The following DNAH7 variants were observed in gnomAD, a reference collection of about 807,000 sequenced individuals.
DNAH7 encodes the protein axonemal beta dynein heavy chain 7.
Under a neutral mutation model 444.6 loss-of-function variants are expected in DNAH7, and 397 were observed. That is an observed-to-expected ratio of 0.89 (90% CI 0.82 to 0.97). DNAH7 has a LOEUF of 0.97. Among genes scored for constraint, DNAH7 ranks in the 50% least tolerant of loss-of-function variants. DNAH7 has a pLI of 0.00. For missense variants in DNAH7, 4,902 were observed against 4,800.8 expected (o/e 1.02, Z -0.62); for synonymous variants, 1,636 against 1,624.4 (o/e 1.01, Z -0.17).
chr2:195,814,197 A>G (rs1697115031), intron 51 of DNAH7, among the ~76,000 whole-genome samples: 3 of 152,244 alleles, frequency 2.0e-5, no homozygotes, highest in Admixed American at 2.0e-4. Context: ...GTGTATTGAT[A>G]ACTTCAATAA....
intron 46 of DNAH7, among the ~76,000 whole-genome samples, chr2:195,851,354 G>A (rs1699352404): frequency 6.6e-6 from 1 of 152,190 alleles, no homozygotes; most frequent in South Asian, 2.1e-4. Flanking sequence ...GCGAAGCAAG[G>A]AAGGAATAAA....
rs143975776 is a variant in DNAH7, at chr2:195,846,776, C to G, written c.8782-1611G>C. On this transcript the variant is annotated intron_variant, in intron 46 of 64. Coordinates refer to ENST00000312428, the MANE Select transcript of DNAH7 (RefSeq NM_018897.3). ...ACGTGAAAAGGCTAGACTGGCTTAG[C>G]CTTTCAGCCTACATCTTTCTCCCAT... Among the ~76,000 whole-genome samples the G allele has an allele frequency of 4.6e-3, 705 of 152,162 alleles. 4 individuals carry two copies. The highest frequency in any genetic ancestry group is 0.016 in the African/African-American group (664 of 41,518).
chr2:196,044,972 G>A (rs947540334), intron 5 of DNAH7, among the ~76,000 whole-genome samples: 2 of 151,894 alleles, frequency 1.3e-5, no homozygotes, highest in African/African-American at 4.8e-5. Context: ...AGGCTGAGGT[G>A]GGAGAAACAT....
intron 64 of DNAH7, among the ~76,000 whole-genome samples, chr2:195,740,481 C>T (rs1479491408): frequency 6.6e-6 from 1 of 151,452 alleles, no homozygotes; most frequent in African/African-American, 2.4e-5. Context: ...AAGAAAGAAC[C>T]CTGTATTTAT....
chr2:195,757,771 A>G (rs947384487), intron 61 of DNAH7, among the ~76,000 whole-genome samples: 15 of 152,350 alleles, frequency 9.8e-5, no homozygotes, highest in Middle Eastern at 6.8e-3. Context: ...CATACACTGC[A>G]CAATACCCCT....
At chr2:195,826,686 T>C (rs961765075) in intron 48 of DNAH7, among the ~76,000 whole-genome samples, 1 of 152,194 alleles carries the variant, frequency 6.6e-6, no homozygotes, top group East Asian at 1.9e-4. Flanking sequence ...CATCTTTTCA[T>C]TGTAGGATAT....
rs373449033 is a variant in DNAH7, at chr2:195,828,704, G to A, written c.9101-4259C>T. 4.5e-5 allele frequency among the ~76,000 whole-genome samples: 6 copies of A among 134,700 alleles called. No homozygotes were observed. The East Asian group carries it at 8.4e-4, about 19-fold the overall frequency. 88.4% of individuals were successfully genotyped at this position (134,700 alleles called of 152,430 possible). On this transcript the variant is annotated intron_variant, in intron 48 of 64. Coordinates refer to ENST00000312428, the MANE Select transcript of DNAH7 (RefSeq NM_018897.3). The stretch of plus-strand genomic sequence containing the variant: ...TTTAGCATTTGTCTTTTTTTCTTTC[G>A]TATTTAATTTTTAAACTCATCTGGA...
chr2:195,765,591 GAAGACATAC>G (rs1220337898), intron 61 of DNAH7, among the ~76,000 whole-genome samples: 16 of 152,116 alleles, frequency 1.1e-4, no homozygotes, highest in Middle Eastern at 3.2e-3. Flanking sequence ...TTTCTCAAAA[GAAGACATAC>G]AAATGGCAAA....
chr2:195,845,838 C>A (rs552615180), intron 46 of DNAH7, among the ~76,000 whole-genome samples: 1 of 152,224 alleles, frequency 6.6e-6, no homozygotes, highest in Admixed American at 6.5e-5. Flanking sequence ...CCATTCGTTA[C>A]GCCATATACA....
At chr2:195,778,126 A>G (rs1695151555) in intron 58 of DNAH7, 141 bp from the exon 59 acceptor site, 2 of 721,478 alleles carry the variant, frequency 2.8e-6, no homozygotes, top group African/African-American at 3.6e-5. Context: ...TTCCCTGCTA[A>G]TTGTTGCCAT....
At chr2:195,784,749 T>C (rs948042854) in intron 58 of DNAH7, among the ~76,000 whole-genome samples, 3 of 152,214 alleles carry the variant, frequency 2.0e-5, no homozygotes, top group Admixed American at 2.0e-4. Context: ...TGTTAGCATT[T>C]GGTGGTGTCA....
intron 15 of DNAH7, among the ~76,000 whole-genome samples, chr2:195,978,037 A>G (rs1048531582): frequency 6.6e-6 from 1 of 152,326 alleles, no homozygotes; most frequent in East Asian, 1.9e-4. Context: ...ATAATGAACA[A>G]TAATAAATAA....
intron 15 of DNAH7, among the ~76,000 whole-genome samples, chr2:195,979,491 T>C (rs756660205): frequency 2.0e-5 from 3 of 152,092 alleles, no homozygotes; most frequent in Non-Finnish European, 2.9e-5. Flanking sequence ...AAGAGGGAAT[T>C]TTATAGCTAC....
chr2:195,926,621 T>G, intron 21 of DNAH7, 55 bp from the exon 22 acceptor site: 6 of 1,481,528 alleles, frequency 4.0e-6, no homozygotes, highest in Non-Finnish European at 5.4e-6. Flanking sequence ...AGTTATACAA[T>G]TGAGAGCTAA....
At chr2:195,979,495 T>C (rs956222026) in intron 15 of DNAH7, among the ~76,000 whole-genome samples, 6 of 152,152 alleles carry the variant, frequency 3.9e-5, no homozygotes, top group African/African-American at 1.4e-4. Context: ...GGGAATTTTA[T>C]AGCTACAAGT....
At chr2:195,814,438 T>C (rs10931713) in intron 51 of DNAH7, among the ~76,000 whole-genome samples, 107,122 of 152,060 alleles carry the variant, frequency 0.7, 38,453 homozygotes, top group Non-Finnish European at 0.75. Context: ...GAAACAAATT[T>C]CATACCTTGG....
intron 12 of DNAH7, chr2:195,999,082 G>A (rs903227386): frequency 1.3e-5 from 9 of 716,814 alleles, no homozygotes; most frequent in Non-Finnish European, 2.3e-5. Flanking sequence ...GTCGAGCAAA[G>A]TTGGAAGTCA....
chr2:196,032,377 C>G (rs1575066100), intron 5 of DNAH7, among the ~76,000 whole-genome samples: 1 of 152,070 alleles, frequency 6.6e-6, no homozygotes, highest in Non-Finnish European at 1.5e-5. Context: ...ACACCACAGC[C>G]CAAAACTCAT....
chr2:195,788,525 A>G (rs1001721857), intron 57 of DNAH7, among the ~76,000 whole-genome samples: 7 of 152,358 alleles, frequency 4.6e-5, no homozygotes, highest in African/African-American at 1.7e-4. Context: ...ATTTTATACA[A>G]GAGCAGGGGA....
Sources: gnomAD v4.1 joint callset for allele counts (sites outside exome capture counted in the v4.1 genomes callset) on GRCh38, gnomAD v4.1.1 for gene constraint, MANE v1.5 for transcripts, NCBI Gene and HGNC (gene_info 2026-07-23, HGNC 2026-07-21) for gene names.